The following CHIC1 variants were observed in gnomAD, a reference collection of about 807,000 sequenced individuals.
CHIC1 encodes cysteine rich hydrophobic domain 1.
CHIC1 carries 7 observed loss-of-function variants against 18.5 expected under a neutral mutation model. The ratio of observed to expected loss-of-function variants is 0.38; its 90% CI spans 0.22 to 0.71. The LOEUF (loss-of-function observed/expected upper bound fraction) is 0.71, where lower values mean the gene tolerates loss of function less well. Among genes scored for constraint, CHIC1 ranks in the 30% least tolerant of loss-of-function variants. CHIC1 has a pLI of 0.49. For missense variants in CHIC1, 159 were observed against 176.9 expected, an observed-to-expected ratio of 0.90 and a Z score of 0.57; for synonymous variants, 77 against 73.5, an observed-to-expected ratio of 1.05 and a Z score of -0.25.
intron 3 of CHIC1, among the ~76,000 whole-genome samples, chrX:73,623,459 T>A (rs1328402473): frequency 9.0e-6 from 1 of 111,151 alleles, no homozygotes; most frequent in Non-Finnish European, 1.9e-5. Flanking sequence ...TCTTTTTTGA[T>A]CTTTGTTGGT....
intron 1 of CHIC1, among the ~76,000 whole-genome samples, chrX:73,571,510 G>A: frequency 1.8e-5 from 2 of 111,233 alleles, no homozygotes; most frequent in Middle Eastern, 9.3e-3. Flanking sequence ...AATTACAATA[G>A]GTTTAATACT....
intron 3 of CHIC1, among the ~76,000 whole-genome samples, chrX:73,671,509 T>C (rs1420513215): frequency 3.6e-5 from 4 of 111,750 alleles, no homozygotes; most frequent in Non-Finnish European, 7.5e-5. Flanking sequence ...TTCAAAAGAT[T>C]TGTCTTCAAG....
At chrX:73,620,688 A>C (rs2057755719) in intron 3 of CHIC1, among the ~76,000 whole-genome samples, 1 of 111,593 alleles carries the variant, frequency 9.0e-6, no homozygotes, top group Non-Finnish European at 1.9e-5. Context: ...TGCTGTGCAG[A>C]AGTTCTTTAG....
intron 3 of CHIC1, among the ~76,000 whole-genome samples, chrX:73,596,578 T>G (rs768954013): frequency 9.0e-6 from 1 of 111,263 alleles, no homozygotes; most frequent in South Asian, 3.8e-4. Flanking sequence ...AAGACAATAC[T>G]AAGGAAAAAG....
chrX:73,580,580 C>T (rs1317745261), intron 2 of CHIC1, among the ~76,000 whole-genome samples: 1 of 110,237 alleles, frequency 9.1e-6, no homozygotes, highest in Non-Finnish European at 1.9e-5. Flanking sequence ...GTTTAGGTTC[C>T]TTTGCATTAT....
chrX:73,667,281 A>C (rs997147222), intron 3 of CHIC1, among the ~76,000 whole-genome samples: 1 of 111,974 alleles, frequency 8.9e-6, no homozygotes, highest in Non-Finnish European at 1.9e-5. Context: ...ACACCATACC[A>C]ATATGTCTTT....
At chrX:73,581,609 C>G (rs1462815983) in intron 2 of CHIC1, among the ~76,000 whole-genome samples, 1 of 110,887 alleles carries the variant, frequency 9.0e-6, no homozygotes, top group African/African-American at 3.3e-5. Flanking sequence ...CAATCCTGGT[C>G]TCCTTTTAAA....
chrX:73,675,559 C>A (rs2058057454), intron 3 of CHIC1, among the ~76,000 whole-genome samples: 1 of 111,400 alleles, frequency 9.0e-6, no homozygotes, highest in Admixed American at 9.5e-5. Context: ...GCAAACCCTG[C>A]CTTTTTTTGT....
In CHIC1 at chrX:73,681,837, A is replaced by G. The variant is rs968430216; in HGVS notation, c.*832A>G. On this transcript the variant is annotated 3_prime_UTR_variant, in exon 6 of 6. Transcript: ENST00000373502. ...GATATTCTGTATTGCACCTGAAACCATGACCTTTATTTTTCCATTTCGTTT... is the reference window on the plus strand; with the variant it reads ...GATATTCTGTATTGCACCTGAAACCGTGACCTTTATTTTTCCATTTCGTTT... The G allele has an allele frequency of 1.8e-5, 2 of 112,236 alleles. No individual in the cohort carries two copies. The allele number at this position is 112,236 out of a possible 1,213,427, so 9.2% of individuals were successfully genotyped here. A position where few individuals can be genotyped will look rare whatever the true frequency, so the allele number is the denominator to read the frequency against.
At chrX:73,567,111 C>T (rs981329157) in intron 1 of CHIC1, among the ~76,000 whole-genome samples, 3 of 110,515 alleles carry the variant, frequency 2.7e-5, no homozygotes, top group Non-Finnish European at 3.8e-5. Context: ...CCCTTAAATA[C>T]CAGCAATCTC....
At chrX:73,602,236 A>G (rs1417083985) in intron 3 of CHIC1, among the ~76,000 whole-genome samples, 1 of 108,643 alleles carries the variant, frequency 9.2e-6, no homozygotes, top group Non-Finnish European at 1.9e-5. Flanking sequence ...CATCATTCTG[A>G]TACCAAAGCT....
At chrX:73,642,362 C>G (rs777768039) in intron 3 of CHIC1, among the ~76,000 whole-genome samples, 2 of 111,170 alleles carry the variant, frequency 1.8e-5, no homozygotes, top group African/African-American at 3.3e-5. Context: ...CTTTTGATGG[C>G]GTTGTTTGTT....
chrX:73,584,296 G>A (rs2057542088), intron 2 of CHIC1, 121 bp from the exon 3 acceptor site: 2 of 578,622 alleles, frequency 3.5e-6, no homozygotes, highest in African/African-American at 4.6e-5. Flanking sequence ...TATTTATGGG[G>A]AATATATCTA....
intron 3 of CHIC1, among the ~76,000 whole-genome samples, chrX:73,624,144 C>T (rs1210557412): frequency 2.7e-5 from 3 of 109,885 alleles, no homozygotes; most frequent in Non-Finnish European, 5.7e-5. Flanking sequence ...GGGAAATTTC[C>T]ATAACTTCTA....
intron 3 of CHIC1, among the ~76,000 whole-genome samples, chrX:73,586,281 G>A (rs1005773592): frequency 9.0e-6 from 1 of 110,857 alleles, no homozygotes; most frequent in Non-Finnish European, 1.9e-5. Flanking sequence ...TGCTCTGTAA[G>A]CATTATAGTT....
chrX:73,613,575 T>C (rs2057718963), intron 3 of CHIC1, among the ~76,000 whole-genome samples: 1 of 112,248 alleles, frequency 8.9e-6, no homozygotes, highest in Non-Finnish European at 1.9e-5. Flanking sequence ...CCTGCAGAAC[T>C]TTGAGCCAAA....
At chrX:73,631,843 T>C (rs2057808561) in intron 3 of CHIC1, among the ~76,000 whole-genome samples, 1 of 111,837 alleles carries the variant, frequency 8.9e-6, no homozygotes, top group Admixed American at 9.5e-5. Context: ...TTTGTGAGTT[T>C]TCCAATTTTT....
At chrX:73,654,266 A>G (rs1292494928) in intron 3 of CHIC1, among the ~76,000 whole-genome samples, 1 of 112,335 alleles carries the variant, frequency 8.9e-6, no homozygotes, top group African/African-American at 3.2e-5. Context: ...ATTTTATCAA[A>G]TGCTTTTTCT....
At chrX:73,586,155 C>T (rs778491513) in intron 3 of CHIC1, among the ~76,000 whole-genome samples, 5 of 111,272 alleles carry the variant, frequency 4.5e-5, no homozygotes, top group South Asian at 3.7e-4. Flanking sequence ...CTGGCAATAC[C>T]GGGCCCACAT....
Sources: gnomAD v4.1 joint callset for allele counts (sites outside exome capture counted in the v4.1 genomes callset) on GRCh38, gnomAD v4.1.1 for gene constraint, MANE v1.5 for transcripts, NCBI Gene and HGNC (gene_info 2026-07-23, HGNC 2026-07-21) for gene names.